Variants in SH3GL3 observed in about 807,000 individuals in gnomAD.
The protein encoded by SH3GL3 is endophilin-A3.
SH3GL3 carries 33 observed loss-of-function variants against 47.7 expected under a neutral mutation model. The ratio of observed to expected loss-of-function variants is 0.69; its 90% CI spans 0.52 to 0.92. The LOEUF (loss-of-function observed/expected upper bound fraction) is 0.92, where lower values mean the gene tolerates loss of function less well. Among genes scored for constraint, SH3GL3 ranks in the 40% least tolerant of loss-of-function variants. The pLI is 0.00. For synonymous variants in SH3GL3, 155 were observed against 148.8 expected (o/e 1.04, Z -0.30); for missense variants, 363 against 417.8 (o/e 0.87, Z 1.14).
At chr15:83,610,619 T>C (rs1343891645) in intron 8 of SH3GL3, among the ~76,000 whole-genome samples, 1 of 152,104 alleles carries the variant, frequency 6.6e-6, no homozygotes, top group African/African-American at 2.4e-5. Flanking sequence ...AGGGGGTATA[T>C]TGCATAGGGA....
chr15:83,598,837 A>G (rs939397866), intron 8 of SH3GL3, among the ~76,000 whole-genome samples: 2 of 152,236 alleles, frequency 1.3e-5, no homozygotes, highest in Non-Finnish European at 2.9e-5. Flanking sequence ...TTTGGATGTA[A>G]TAAAATTGTC....
At chr15:83,546,089 C>A (rs2044379132) in intron 1 of SH3GL3, among the ~76,000 whole-genome samples, 1 of 152,090 alleles carries the variant, frequency 6.6e-6, no homozygotes, top group Non-Finnish European at 1.5e-5. Flanking sequence ...AAGTTGATTC[C>A]TGCCAGAAAT....
At chr15:83,565,494 C>T (rs2045491142) in intron 3 of SH3GL3, 2 of 289,260 alleles carry the variant, frequency 6.9e-6, no homozygotes. Context: ...TTCAGAAAGC[C>T]ACTAAACATT....
intron 1 of SH3GL3, among the ~76,000 whole-genome samples, chr15:83,544,774 G>A (rs375412559): frequency 2.8e-4 from 42 of 152,224 alleles, no homozygotes; most frequent in African/African-American, 9.9e-4. Flanking sequence ...CATGTTTGAA[G>A]GATATTTTTG....
intron 1 of SH3GL3, among the ~76,000 whole-genome samples, chr15:83,512,117 C>T (rs1433839153): frequency 6.6e-6 from 1 of 152,046 alleles, no homozygotes; most frequent in African/African-American, 2.4e-5. Flanking sequence ...GGATAAATGC[C>T]ACCTGCTATT....
chr15:83,520,222 T>C (rs958157130), intron 1 of SH3GL3, among the ~76,000 whole-genome samples: 3 of 152,130 alleles, frequency 2.0e-5, no homozygotes, highest in African/African-American at 4.8e-5. Context: ...GAGGGAGAAA[T>C]TGTCTTTATA....
At chr15:83,503,570 G>T (rs536519410) in intron 1 of SH3GL3, among the ~76,000 whole-genome samples, 1 of 152,160 alleles carries the variant, frequency 6.6e-6, no homozygotes, top group African/African-American at 2.4e-5. Context: ...ACAACCTTAC[G>T]GGGTAGGTAT....
chr15:83,493,420 C>T (rs1319936805), intron 1 of SH3GL3, among the ~76,000 whole-genome samples: 3 of 152,170 alleles, frequency 2.0e-5, no homozygotes, highest in South Asian at 4.1e-4. Context: ...TTTCTGGTCT[C>T]CCTCCTCTGA....
chr15:83,484,691 T>C (rs989206467), intron 1 of SH3GL3, among the ~76,000 whole-genome samples: 6 of 152,208 alleles, frequency 3.9e-5, no homozygotes, highest in African/African-American at 1.4e-4. Context: ...TGATTTTCTT[T>C]TGTGTCTCTC....
chr15:83,587,854 T>C (rs1333288535), intron 7 of SH3GL3, among the ~76,000 whole-genome samples: 1 of 152,180 alleles, frequency 6.6e-6, no homozygotes. Context: ...AGGATTATGG[T>C]AATGCATAAA....
rs1379878910 is a variant in SH3GL3 at position 83,485,468 on chromosome 15, AGT to A, written c.45+37896_45+37897del. On this transcript the variant is annotated intron_variant, in intron 1 of 8. Transcript: ENST00000427482. ...TTGGCTGCATTTTTTAGCATTGTAA[AGT>A]GTGTGAAGTTTATTTATTCATTTAT... Among the ~76,000 whole-genome samples the A allele has an allele frequency of 2.6e-5, 4 of 152,106 alleles. No homozygotes were observed. In the South Asian group the frequency reaches 8.3e-4, roughly 32 times the overall value.
intron 1 of SH3GL3, among the ~76,000 whole-genome samples, chr15:83,542,825 A>G (rs2044228008): frequency 6.6e-6 from 1 of 152,130 alleles, no homozygotes; most frequent in Admixed American, 6.5e-5. Context: ...GTATCCTACA[A>G]CTTTATTGAA....
intron 4 of SH3GL3, among the ~76,000 whole-genome samples, chr15:83,569,911 G>A (rs945804646): frequency 6.6e-6 from 1 of 152,072 alleles, no homozygotes; most frequent in Non-Finnish European, 1.5e-5. Flanking sequence ...TTTGCTCATT[G>A]GCTGTCTTGT....
intron 1 of SH3GL3, among the ~76,000 whole-genome samples, chr15:83,514,808 G>A (rs1373322308): frequency 1.3e-5 from 2 of 152,126 alleles, no homozygotes; most frequent in African/African-American, 2.4e-5. Context: ...ATTCGCAGCT[G>A]TCATAGGTCA....
Position 83,535,178 on chromosome 15 carries a change from T to TA in SH3GL3, c.46-24065dup, listed in dbSNP as rs142427837. ...AAACAAGCTGTTCTTGCATATTCAT[T>TA]AAAAAAAAAACTCAGGTATATTATT... On this transcript the variant is annotated intron_variant, in intron 1 of 8. Coordinates refer to ENST00000427482, the MANE Select transcript of SH3GL3 (RefSeq NM_003027.5). Among the ~76,000 whole-genome samples the TA allele has an allele frequency of 1.6e-3, 236 of 148,488 alleles. 1 individual carries two copies. In the East Asian group the frequency reaches 0.032, roughly 20 times the overall value.
intron 1 of SH3GL3, among the ~76,000 whole-genome samples, chr15:83,500,598 CG>C (rs1214477445): frequency 6.6e-6 from 1 of 152,210 alleles, no homozygotes; most frequent in Non-Finnish European, 1.5e-5. Context: ...GGGTGAAACC[CG>C]GAAGTGTTGG....
At chr15:83,450,790 CTTT>C (rs11389151) in intron 1 of SH3GL3, among the ~76,000 whole-genome samples, 1 of 45,360 alleles carries the variant, frequency 2.2e-5, no homozygotes, top group Non-Finnish European at 3.7e-5. Flanking sequence ...TATAGATTTT[CTTT>C]TTTTTTTTTA....
At chr15:83,520,813 AC>A (rs769481972) in intron 1 of SH3GL3, among the ~76,000 whole-genome samples, 32 of 151,980 alleles carry the variant, frequency 2.1e-4, no homozygotes, top group Non-Finnish European at 4.3e-4. Context: ...TCTCCCACCC[AC>A]CCCCACAACA....
intron 1 of SH3GL3, among the ~76,000 whole-genome samples, chr15:83,475,053 C>A (rs2041030921): frequency 6.6e-6 from 1 of 151,560 alleles, no homozygotes; most frequent in Non-Finnish European, 1.5e-5. Context: ...CAGATATAAT[C>A]CCCTTCTTGG....
Sources: allele counts gnomAD v4.1 joint callset (sites outside exome capture counted in the v4.1 genomes callset), GRCh38; gene constraint gnomAD v4.1.1; transcripts MANE v1.5; gene names NCBI Gene and HGNC (gene_info 2026-07-23, HGNC 2026-07-21).